The following TMEM200A variants were observed in gnomAD, a reference collection of about 807,000 sequenced individuals.
TMEM200A encodes the protein two transmembrane C.
TMEM200A carries 12 observed loss-of-function variants against 24.3 expected under a neutral mutation model. That is an observed-to-expected ratio of 0.49 (90% CI 0.32 to 0.80). TMEM200A has a LOEUF of 0.80. TMEM200A is among the 30% of genes least tolerant of loss of function. TMEM200A has a pLI of 0.04. For synonymous variants in TMEM200A, 224 were observed against 224.4 expected (o/e 1.00, Z 0.02); for missense variants, 545 against 614.4 (o/e 0.89, Z 1.19).
chr6:130,404,693 A>G (rs1302451182), intron 2 of TMEM200A, among the ~76,000 whole-genome samples: 1 of 151,978 alleles, frequency 6.6e-6, no homozygotes, highest in African/African-American at 2.4e-5. Flanking sequence ...CCATTTGTCA[A>G]TTTTTACTTT....
intron 2 of TMEM200A, among the ~76,000 whole-genome samples, chr6:130,394,571 GGA>G (rs1023173901): frequency 3.3e-5 from 5 of 152,136 alleles, no homozygotes; most frequent in Admixed American, 1.3e-4. Context: ...TTTATATGTG[GGA>G]GGACATTTTT....
chr6:130,380,446 T>A (rs1180967275), intron 1 of TMEM200A, among the ~76,000 whole-genome samples: 1 of 152,208 alleles, frequency 6.6e-6, no homozygotes, highest in Non-Finnish European at 1.5e-5. Context: ...AAGGAAAGTA[T>A]AAAATTTAAA....
chr6:130,423,790 T>C (rs773930163), intron 2 of TMEM200A, among the ~76,000 whole-genome samples: 3 of 152,150 alleles, frequency 2.0e-5, no homozygotes, highest in Non-Finnish European at 2.9e-5. Context: ...GATTAAATGT[T>C]GCCACCATTA....
intron 2 of TMEM200A, among the ~76,000 whole-genome samples, chr6:130,421,510 T>TGTGTGTGTG (rs1779588340): frequency 2.7e-5 from 4 of 148,928 alleles, no homozygotes; most frequent in African/African-American, 4.9e-5. Flanking sequence ...ACAGTTACCT[T>TGTGTGTGTG]TGTGTGTGTG....
intron 1 of TMEM200A, among the ~76,000 whole-genome samples, chr6:130,375,759 C>T (rs890524310): frequency 2.0e-5 from 3 of 152,080 alleles, no homozygotes; most frequent in Admixed American, 6.6e-5. Context: ...TAGAAGGTTG[C>T]TCTTTTGGAG....
At chr6:130,418,865 A>C (rs1779516115) in intron 2 of TMEM200A, among the ~76,000 whole-genome samples, 1 of 152,106 alleles carries the variant, frequency 6.6e-6, no homozygotes, top group African/African-American at 2.4e-5. Context: ...GTCAACTCAG[A>C]ATATTTAGGG....
Position 130,416,404 on chromosome 6 carries a change from T to C in TMEM200A, c.-16-24003T>C, listed in dbSNP as rs532498142. On this transcript the variant is annotated intron_variant, in intron 2 of 2. Coordinates refer to ENST00000296978, the MANE Select transcript of TMEM200A (RefSeq NM_001258277.2). ...AAGTCTCTAGGAATGTAAGAACCAA[T>C]AACATATTCAAAACTAAACTCTTTC... Among the ~76,000 whole-genome samples, 62 of 152,246 alleles carry C rather than the reference T, an allele frequency of 4.1e-4. 1 individual carries two copies. In the East Asian group the frequency reaches 5.8e-3, roughly 14 times the overall value.
intron 1 of TMEM200A, among the ~76,000 whole-genome samples, chr6:130,382,162 T>C (rs1329435823): frequency 6.6e-6 from 1 of 152,224 alleles, no homozygotes; most frequent in Non-Finnish European, 1.5e-5. Context: ...TACTTCACCT[T>C]GCAGAGCTCC....
intron 2 of TMEM200A, among the ~76,000 whole-genome samples, chr6:130,398,741 A>G (rs1301016814): frequency 6.6e-6 from 1 of 151,910 alleles, no homozygotes; most frequent in Non-Finnish European, 1.5e-5. Context: ...ATTAGTGATG[A>G]TGAGCATTTT....
At chr6:130,421,482 T>G (rs1779586637) in intron 2 of TMEM200A, 1 of 119,320 alleles carries the variant, frequency 8.4e-6, no homozygotes, top group Non-Finnish European at 1.9e-5. Context: ...TCAAGCTAAT[T>G]AACACATCCA....
At chr6:130,372,210 T>G (rs1212723205) in intron 1 of TMEM200A, among the ~76,000 whole-genome samples, 6 of 152,002 alleles carry the variant, frequency 3.9e-5, no homozygotes, top group African/African-American at 1.5e-4. Flanking sequence ...GTCTGAGAGA[T>G]GGAAATGGGG....
rs1467184871 is a variant in TMEM200A at position 130,366,454 on chromosome 6, C to T, written c.-151C>T. On this transcript the variant is annotated 5_prime_UTR_variant, in exon 1 of 3. Coordinates refer to ENST00000296978, the MANE Select transcript of TMEM200A (RefSeq NM_001258277.2). This position sits in a 1 kb window ranked among gnomAD's most constrained non-coding sequence, Gnocchi z 4.4. ...CCAGAGGCGCCCGACGTCCCGACAG[C>T]TCCTGGAGTGAGACCAGGACTGAGA... The T allele has an allele frequency of 1.0e-6, 1 of 985,586 alleles. No homozygotes were observed. Among genetic ancestry groups the T allele is most frequent in the Non-Finnish European group, 1.2e-6 (1 of 830,128 alleles). 61.1% of individuals were successfully genotyped at this position (985,586 alleles called of 1,614,324 possible).
chr6:130,411,802 G>A (rs1489106517), intron 2 of TMEM200A, among the ~76,000 whole-genome samples: 3 of 152,166 alleles, frequency 2.0e-5, no homozygotes, highest in Non-Finnish European at 2.9e-5. Flanking sequence ...TGATAATGAT[G>A]TTCACTTTGG....
intron 2 of TMEM200A, among the ~76,000 whole-genome samples, chr6:130,405,565 T>A (rs1779185513): frequency 6.6e-6 from 1 of 152,200 alleles, no homozygotes; most frequent in African/African-American, 2.4e-5. Context: ...TCATTCTAAC[T>A]GAGAATGAGG....
In TMEM200A at chr6:130,441,656, G is replaced by A; in HGVS notation, c.1234G>A (p.Glu412Lys). 6.2e-7 allele frequency: 1 copy of A among 1,614,052 alleles called. No individual in the cohort carries two copies. The highest frequency in any genetic ancestry group is 8.5e-7 in the Non-Finnish European group (1 of 1,180,010). The change falls in exon 3 of 3, where the codon GAA becomes AAA. Residue 412 changes from glutamate (E) to lysine (K), a missense_variant. Glu to Lys is a moderately conservative substitution (Grantham distance 56). Transcript: ENST00000296978. ...RGPSTLTVQA[E>K]QRKHPSWPRL... Reference sequence around the variant, plus strand: ...TCCCTCCACTCTAACTGTTCAGGCAGAACAACGGAAACATCCAAGTTGGCC... The same window carrying A: ...TCCCTCCACTCTAACTGTTCAGGCAAAACAACGGAAACATCCAAGTTGGCC...
chr6:130,432,821 A>T (rs999944748), intron 2 of TMEM200A, among the ~76,000 whole-genome samples: 2 of 152,190 alleles, frequency 1.3e-5, no homozygotes, highest in African/African-American at 4.8e-5. Flanking sequence ...TCCCCTCTTC[A>T]CAACAATCCT....
rs1334973724 is a variant in TMEM200A at position 130,441,365 on chromosome 6, C to G, written c.943C>G (p.Leu315Val). The G allele has an allele frequency of 1.2e-6, 2 of 1,613,958 alleles. No homozygotes were observed. The highest frequency in any genetic ancestry group is 2.2e-5 in the East Asian group (1 of 44,858). The stretch of plus-strand genomic sequence containing the variant: ...TAACATCACTGAAGATGCTGACAAC[C>G]TCAAAAGTAGGTCAAGGAATTTGTC... ...IDNITEDADN[L>V]KSRSRNLSMD... is the part of the protein sequence containing the mutation. The change falls in exon 3 of 3, where the codon CTC becomes GTC. Residue 315 changes from leucine to valine, a missense_variant. Leu to Val is a conservative substitution (Grantham distance 32). Coordinates refer to ENST00000296978, the MANE Select transcript of TMEM200A (RefSeq NM_001258277.2).
intron 2 of TMEM200A, among the ~76,000 whole-genome samples, chr6:130,394,423 C>G (rs1364745678): frequency 6.6e-6 from 1 of 152,148 alleles, no homozygotes; most frequent in African/African-American, 2.4e-5. Context: ...CTCAGAGTGG[C>G]AGGGGTGGCA....
chr6:130,406,308 C>T (rs1779209925), intron 2 of TMEM200A, among the ~76,000 whole-genome samples: 1 of 152,218 alleles, frequency 6.6e-6, no homozygotes, highest in Non-Finnish European at 1.5e-5. Context: ...AGACTAGACC[C>T]TTTTAAATAT....
Sources: allele counts gnomAD v4.1 joint callset (sites outside exome capture counted in the v4.1 genomes callset), GRCh38; gene constraint gnomAD v4.1.1; non-coding constraint Gnocchi (gnomAD v3.1); transcripts MANE v1.5; gene names NCBI Gene and HGNC (gene_info 2026-07-23, HGNC 2026-07-21).